ACTN1: variants seen among roughly 807,000 people sequenced by gnomAD.
ACTN1 encodes alpha-actinin-1.
A neutral mutation model predicts 119.6 loss-of-function variants in ACTN1; 30 were observed. That is an observed-to-expected ratio of 0.25 (90% confidence interval 0.19 to 0.34). ACTN1 has a LOEUF of 0.34. ACTN1 is among the 10% of genes least tolerant of loss of function. ACTN1 has a pLI of 1.00. For synonymous variants in ACTN1, 429 were observed against 472.6 expected (o/e 0.91, Z 1.20); for missense variants, 764 against 1,223.4 (o/e 0.62, Z 5.60).
intron 1 of ACTN1, among the ~76,000 whole-genome samples, chr14:68,959,712 G>A (rs1163467215): frequency 6.6e-6 from 1 of 152,154 alleles, no homozygotes; most frequent in Non-Finnish European, 1.5e-5. Context: ...TAGAGCCAGG[G>A]GGGTTGAACG....
At chr14:68,875,108 G>A (rs776311435) in intron 21 of ACTN1, 91 bp from the exon 22 acceptor site, 4 of 1,570,634 alleles carry the variant, frequency 2.5e-6, no homozygotes, top group Non-Finnish European at 1.7e-6. Flanking sequence ...GCGGCGTGAA[G>A]GCAGCATGTG....
At chr14:68,941,898 A>G (rs1466403760) in intron 1 of ACTN1, among the ~76,000 whole-genome samples, 1 of 152,148 alleles carries the variant, frequency 6.6e-6, no homozygotes, top group East Asian at 1.9e-4. Flanking sequence ...AACTTGATCA[A>G]TAGGACCTCA....
chr14:68,920,761 G>A (rs188476347), intron 3 of ACTN1, among the ~76,000 whole-genome samples: 224 of 152,314 alleles, frequency 1.5e-3, no homozygotes, highest in African/African-American at 4.9e-3. Flanking sequence ...GAGCAAGGAC[G>A]TGGCTAAGCA....
chr14:68,941,759 C>T (rs2035767957), intron 1 of ACTN1, among the ~76,000 whole-genome samples: 1 of 152,104 alleles, frequency 6.6e-6, no homozygotes, highest in African/African-American at 2.4e-5. Flanking sequence ...ATGGAATTGC[C>T]CTTGTCTACT....
chr14:68,962,435 T>C (rs893104731), intron 1 of ACTN1, among the ~76,000 whole-genome samples: 3 of 152,114 alleles, frequency 2.0e-5, no homozygotes, highest in African/African-American at 7.2e-5. Context: ...AGGAGCACCA[T>C]TTGCCTGTGC....
At chr14:68,928,521 T>C (rs1383324115) in intron 1 of ACTN1, among the ~76,000 whole-genome samples, 1 of 152,172 alleles carries the variant, frequency 6.6e-6, no homozygotes, top group East Asian at 1.9e-4. Flanking sequence ...TCGGGACGCA[T>C]CAGAGCTGGA....
At chr14:68,940,535 T>G (rs986501797) in intron 1 of ACTN1, among the ~76,000 whole-genome samples, 1 of 151,934 alleles carries the variant, frequency 6.6e-6, no homozygotes, top group African/African-American at 2.4e-5. Flanking sequence ...AGACTTACGG[T>G]AGGGGCTCAA....
intron 1 of ACTN1, among the ~76,000 whole-genome samples, chr14:68,970,437 A>G (rs1422268928): frequency 6.6e-6 from 1 of 152,226 alleles, no homozygotes; most frequent in Non-Finnish European, 1.5e-5. Context: ...TTTCACGTGC[A>G]CAGGCTTTTA....
In ACTN1 at chr14:68,878,663, G is replaced by A. The variant is rs1472580212; in HGVS notation, c.2362-140C>T. On this transcript the variant is annotated intron_variant, in intron 19 of 21. Transcript: ENST00000394419. The surrounding 1 kb of genome is among the most constrained non-coding windows in gnomAD (Gnocchi z 4.4). ...GGTTTTGGGGGTCAGGATAGGTAAA[G>A]GAACATAGGAGAAGATGCGAACACA... 1 of 1,545,470 alleles carries A rather than the reference G, an allele frequency of 6.5e-7. No individual in the cohort carries two copies. The highest frequency in any genetic ancestry group is 2.0e-5 in the Admixed American group (1 of 51,162).
In ACTN1 at chr14:68,890,108, G is replaced by C. The variant is rs186627439; in HGVS notation, c.1234+31C>G. 6.8e-4 allele frequency: 1,088 copies of C among 1,607,322 alleles called. 6 individuals are homozygous for C. The African/African-American group carries it at 0.013, about 19-fold the overall frequency. On this transcript the variant is annotated intron_variant, in intron 11 of 21. Transcript: ENST00000394419. ...CTGAAGAGTAGGGAAGTGAAGCCCT[G>C]GGGGGAGGCAGGAGGCTGGGCTGGC...
intron 1 of ACTN1, among the ~76,000 whole-genome samples, chr14:68,958,631 T>C (rs1443276389): frequency 6.6e-6 from 1 of 152,054 alleles, no homozygotes; most frequent in Non-Finnish European, 1.5e-5. Context: ...AAAACCCAGC[T>C]CCTGGATATT....
At chr14:68,954,851 CTTT>C (rs1169026771) in intron 1 of ACTN1, among the ~76,000 whole-genome samples, 13 of 152,236 alleles carry the variant, frequency 8.5e-5, no homozygotes, top group African/African-American at 3.1e-4. Flanking sequence ...GACTTTTTTT[CTTT>C]TTAAAAATTG....
At chr14:68,939,167 T>C (rs1404852540) in intron 1 of ACTN1, among the ~76,000 whole-genome samples, 1 of 152,226 alleles carries the variant, frequency 6.6e-6, no homozygotes, top group African/African-American at 2.4e-5. Context: ...GTGGAACCTA[T>C]GGGCTCCCAG....
intron 1 of ACTN1, among the ~76,000 whole-genome samples, chr14:68,958,538 G>T (rs2036427262): frequency 6.6e-6 from 1 of 151,810 alleles, no homozygotes; most frequent in African/African-American, 2.4e-5. Flanking sequence ...AAAACAGGTG[G>T]CACATTAAGC....
At chr14:68,890,746 G>T (rs1036167715) in intron 10 of ACTN1, among the ~76,000 whole-genome samples, 1 of 152,208 alleles carries the variant, frequency 6.6e-6, no homozygotes, top group African/African-American at 2.4e-5. Context: ...ATGGACTCAG[G>T]CCTCTGGGCA....
At chr14:68,933,431 C>T (rs879324959) in intron 1 of ACTN1, among the ~76,000 whole-genome samples, 2 of 152,112 alleles carry the variant, frequency 1.3e-5, no homozygotes, top group Admixed American at 6.6e-5. Context: ...CCACCACGCC[C>T]GGCCACCTCC....
chr14:68,898,559 C>T (rs1474484009), intron 8 of ACTN1, among the ~76,000 whole-genome samples: 1 of 152,092 alleles, frequency 6.6e-6, no homozygotes, highest in Non-Finnish European at 1.5e-5. Flanking sequence ...GGTGCCAGCC[C>T]GGAGACAGAC....
chr14:68,946,742 C>A (rs2035959711), intron 1 of ACTN1, among the ~76,000 whole-genome samples: 1 of 152,220 alleles, frequency 6.6e-6, no homozygotes, highest in South Asian at 2.1e-4. Flanking sequence ...CACCATCCAT[C>A]CCCCACTTAG....
At chr14:68,928,209 A>G (rs893216595) in intron 1 of ACTN1, among the ~76,000 whole-genome samples, 1 of 152,164 alleles carries the variant, frequency 6.6e-6, no homozygotes, top group Admixed American at 6.5e-5. Flanking sequence ...GCTGTCGTAA[A>G]AAGACACTGC....
Sources: gnomAD v4.1 joint callset for allele counts (sites outside exome capture counted in the v4.1 genomes callset) on GRCh38, gnomAD v4.1.1 for gene constraint, Gnocchi (gnomAD v3.1) non-coding constraint, MANE v1.5 for transcripts, NCBI Gene and HGNC (gene_info 2026-07-23, HGNC 2026-07-21) for gene names.